TRAPPC9: variants seen among roughly 807,000 people sequenced by gnomAD.
TRAPPC9 encodes IKK2 binding protein.
A neutral mutation model predicts 124.0 loss-of-function variants in TRAPPC9; 83 were observed. That is an observed-to-expected ratio of 0.67 (90% CI 0.56 to 0.80). The LOEUF (loss-of-function observed/expected upper bound fraction) is 0.80. Ranked by LOEUF, TRAPPC9 falls within the 30% of genes least tolerant of loss-of-function variation. TRAPPC9 has a pLI of 0.00. For synonymous variants in TRAPPC9, 638 were observed against 617.5 expected (o/e 1.03, Z -0.49); for missense variants, 1,302 against 1,508.3 (o/e 0.86, Z 2.27).
At chr8:139,892,272 G>A (rs1462986559) in intron 20 of TRAPPC9, among the ~76,000 whole-genome samples, 2 of 152,308 alleles carry the variant, frequency 1.3e-5, no homozygotes, top group African/African-American at 2.4e-5. Context: ...GGGACACCAC[G>A]ATGGCTCATA....
chr8:140,374,238 C>T (rs1272474921), intron 7 of TRAPPC9, among the ~76,000 whole-genome samples: 1 of 152,142 alleles, frequency 6.6e-6, no homozygotes, highest in Non-Finnish European at 1.5e-5. Flanking sequence ...TGCTGGAGGA[C>T]AGCAGCCAGG....
intron 17 of TRAPPC9, among the ~76,000 whole-genome samples, chr8:140,057,138 A>G (rs1220024831): frequency 2.0e-5 from 3 of 152,238 alleles, no homozygotes; most frequent in African/African-American, 7.2e-5. Flanking sequence ...AAACATGACG[A>G]TACATTACCT....
chr8:139,972,864 G>A (rs755261350), intron 19 of TRAPPC9, among the ~76,000 whole-genome samples: 9 of 152,136 alleles, frequency 5.9e-5, no homozygotes, highest in Non-Finnish European at 1.2e-4. Context: ...GAAGAAGGTC[G>A]GAGTTCCAGT....
intron 21 of TRAPPC9, among the ~76,000 whole-genome samples, chr8:139,842,595 C>A (rs890432538): frequency 1.5e-4 from 23 of 151,980 alleles, no homozygotes; most frequent in Non-Finnish European, 2.9e-4. Context: ...CGCCTTCGTG[C>A]CCGGGGCCAT....
intron 17 of TRAPPC9, among the ~76,000 whole-genome samples, chr8:140,082,874 T>C (rs1017481974): frequency 1.3e-5 from 2 of 152,124 alleles, no homozygotes; most frequent in Non-Finnish European, 2.9e-5. Flanking sequence ...GGGAAGCAAT[T>C]TGACAGCAGG....
At chr8:140,248,729 A>G (rs1333173012) in intron 16 of TRAPPC9, among the ~76,000 whole-genome samples, 1 of 152,218 alleles carries the variant, frequency 6.6e-6, no homozygotes, top group East Asian at 1.9e-4. Flanking sequence ...AAGTATTATA[A>G]GGATCATAGG....
chr8:139,852,846 G>C (rs1340497613), intron 21 of TRAPPC9, among the ~76,000 whole-genome samples: 4 of 152,150 alleles, frequency 2.6e-5, no homozygotes, highest in African/African-American at 7.2e-5. Context: ...AAGAGGATGG[G>C]ATATCATCTT....
Position 140,182,212 on chromosome 8 carries a change from A to G in TRAPPC9, c.2556+39247T>C, listed in dbSNP as rs1223630711. 1.3e-5 allele frequency among the ~76,000 whole-genome samples: 2 copies of G among 152,182 alleles called. No individual in the cohort carries two copies. The highest frequency in any genetic ancestry group is 3.9e-4 in the East Asian group (2 of 5,192). On this transcript the variant is annotated intron_variant, in intron 17 of 22. Transcript: ENST00000438773. This position sits in a 1 kb window ranked among gnomAD's most constrained non-coding sequence, Gnocchi z 4.0. Reference sequence around the variant, plus strand: ...CCGGAAATCTTGCTTTCCAGTGCATACATTTATCCAAAAATTCTTTACATT... The same window carrying G: ...CCGGAAATCTTGCTTTCCAGTGCATGCATTTATCCAAAAATTCTTTACATT...
chr8:139,743,314 C>T (rs1818679176), intron 21 of TRAPPC9, among the ~76,000 whole-genome samples: 1 of 152,240 alleles, frequency 6.6e-6, no homozygotes. Flanking sequence ...CACAACTCTA[C>T]TCTCCAACCT....
chr8:140,349,434 G>GGGGCGCGCGAGGGAA (rs2067472845), intron 9 of TRAPPC9, among the ~76,000 whole-genome samples: 4 of 150,336 alleles, frequency 2.7e-5, no homozygotes, highest in African/African-American at 9.8e-5. Flanking sequence ...GGGGCCGATG[G>GGGGCGCGCGAGGGAA]GGGCGCGCGA....
intron 18 of TRAPPC9, among the ~76,000 whole-genome samples, chr8:140,012,501 C>A (rs1839204030): frequency 6.6e-6 from 1 of 152,228 alleles, no homozygotes; most frequent in African/African-American, 2.4e-5. Flanking sequence ...CAGTTTCTTA[C>A]TGGAATCCTC....
At chr8:139,988,325 C>T (rs560269102) in intron 19 of TRAPPC9, among the ~76,000 whole-genome samples, 18 of 152,090 alleles carry the variant, frequency 1.2e-4, no homozygotes, top group Admixed American at 5.9e-4. Context: ...GTTGGCCAGG[C>T]TGGTCTTGAA....
intron 17 of TRAPPC9, among the ~76,000 whole-genome samples, chr8:140,047,042 A>G (rs1841645722): frequency 6.6e-6 from 1 of 152,206 alleles, no homozygotes; most frequent in Non-Finnish European, 1.5e-5. Flanking sequence ...TTCTGTGACC[A>G]GCTGTCTGTG....
chr8:139,846,817 G>C (rs994048859), intron 21 of TRAPPC9, among the ~76,000 whole-genome samples: 2 of 152,228 alleles, frequency 1.3e-5, no homozygotes, highest in African/African-American at 4.8e-5. Context: ...GTCTGTGGAG[G>C]AGGCCCAGGG....
At chr8:139,738,624 C>T (rs1248245594) in intron 21 of TRAPPC9, among the ~76,000 whole-genome samples, 3 of 152,318 alleles carry the variant, frequency 2.0e-5, no homozygotes, top group East Asian at 1.9e-4. Context: ...CCCGCAACAC[C>T]GATCAGACTC....
chr8:140,436,314 C>A (rs1419673778), intron 3 of TRAPPC9, among the ~76,000 whole-genome samples: 1 of 151,978 alleles, frequency 6.6e-6, no homozygotes. Flanking sequence ...CCATTGCACT[C>A]CAGCCTGGGC....
chr8:140,383,983 G>A (rs1375378692), intron 7 of TRAPPC9, among the ~76,000 whole-genome samples: 1 of 152,180 alleles, frequency 6.6e-6, no homozygotes, highest in Non-Finnish European at 1.5e-5. Context: ...AACTCTACAA[G>A]CCAGAAGAGA....
chr8:140,200,190 G>GT (rs1199461051), intron 17 of TRAPPC9, among the ~76,000 whole-genome samples: 1 of 152,198 alleles, frequency 6.6e-6, no homozygotes, highest in Non-Finnish European at 1.5e-5. Flanking sequence ...TTACACTCAT[G>GT]TTTAACCAGA....
chr8:139,854,694 C>T (rs1181690303), intron 21 of TRAPPC9, among the ~76,000 whole-genome samples: 1 of 152,242 alleles, frequency 6.6e-6, no homozygotes. Context: ...GTAGGTGCTG[C>T]TCTCATCCTC....
Sources: gnomAD v4.1 joint callset for allele counts (sites outside exome capture counted in the v4.1 genomes callset) on GRCh38, gnomAD v4.1.1 for gene constraint, Gnocchi (gnomAD v3.1) non-coding constraint, MANE v1.5 for transcripts, NCBI Gene and HGNC (gene_info 2026-07-23, HGNC 2026-07-21) for gene names.